Variants in GALNT13 observed in about 807,000 individuals in gnomAD.
GALNT13 encodes the protein UDP-GalNAc:polypeptide N-acetylgalactosaminyltransferase 13.
GALNT13 carries 28 observed loss-of-function variants against 64.2 expected under a neutral mutation model. That is an observed-to-expected ratio of 0.44 (90% CI 0.32 to 0.60). The LOEUF is 0.60. GALNT13 is among the 20% of genes least tolerant of loss of function. The pLI is 0.05. For missense variants in GALNT13, 577 were observed against 669.8 expected (o/e 0.86, Z 1.53); for synonymous variants, 214 against 224.6 (o/e 0.95, Z 0.42).
intron 7 of GALNT13, among the ~76,000 whole-genome samples, chr2:154,249,170 T>G (rs1689939554): frequency 1.3e-5 from 2 of 152,124 alleles, no homozygotes; most frequent in African/African-American, 4.8e-5. Context: ...GGGAGGTGAT[T>G]TGGTTTAGGC....
At chr2:153,211,133 C>CT in the GALNT13 span, among the ~76,000 whole-genome samples, 1 of 147,768 alleles carries the variant, frequency 6.8e-6, no homozygotes, top group Admixed American at 6.8e-5. Context: ...CATTGACAAA[C>CT]CTTTTTTTTT....
chr2:154,230,411 T>A (rs1211383063), intron 4 of GALNT13, among the ~76,000 whole-genome samples: 1 of 152,026 alleles, frequency 6.6e-6, no homozygotes, highest in Non-Finnish European at 1.5e-5. Context: ...AGGGAACAAT[T>A]CCAAAAATTC....
rs941226736 is a variant in GALNT13, at chr2:153,871,988, C to T, written c.-492C>T. On this transcript the variant is annotated 5_prime_UTR_variant, in exon 1 of 13. Coordinates refer to ENST00000392825, the MANE Select transcript of GALNT13 (RefSeq NM_052917.4). ...CAGCCCTCGCTCGCTCTGGGCGCCT[C>T]CTCGGCCTCAGCGTCCGCTCTGGCC... is the stretch of plus-strand genomic sequence containing the variant. The T allele has an allele frequency of 1.3e-5, 2 of 152,252 alleles. No homozygotes were observed. Among genetic ancestry groups the T allele is most frequent in the Non-Finnish European group, 2.9e-5 (2 of 68,154 alleles). The allele number at this position is 152,252 out of a possible 1,614,324, so 9.4% of individuals were successfully genotyped here. A position where few individuals can be genotyped will look rare whatever the true frequency, so the allele number is the denominator to read the frequency against.
chr2:153,391,481 C>T, the GALNT13 span, among the ~76,000 whole-genome samples: 2 of 151,806 alleles, frequency 1.3e-5, no homozygotes, highest in African/African-American at 2.4e-5. Flanking sequence ...AGGTATGTAC[C>T]GAGATTGTAA....
the GALNT13 span, among the ~76,000 whole-genome samples, chr2:153,318,873 CTG>C: frequency 6.6e-6 from 1 of 152,132 alleles, no homozygotes; most frequent in Non-Finnish European, 1.5e-5. Flanking sequence ...CACTTATTGG[CTG>C]TGTTATCTTT....
At chr2:153,923,141 C>T (rs1296064748) in intron 2 of GALNT13, among the ~76,000 whole-genome samples, 9 of 152,106 alleles carry the variant, frequency 5.9e-5, no homozygotes, top group South Asian at 2.1e-4. Context: ...CTCAGGTGAT[C>T]CTCCCACGTC....
intron 9 of GALNT13, among the ~76,000 whole-genome samples, chr2:154,360,630 C>A (rs182827933): frequency 6.6e-6 from 1 of 152,116 alleles, no homozygotes; most frequent in Non-Finnish European, 1.5e-5. Context: ...AAATTTGCAA[C>A]GTGTACCTAT....
At chr2:153,637,930 A>T in the GALNT13 span, among the ~76,000 whole-genome samples, 2 of 150,774 alleles carry the variant, frequency 1.3e-5, no homozygotes, top group African/African-American at 5.0e-5. Context: ...AGTGCCTACC[A>T]AGTACCAGGC....
At chr2:153,082,606 TATATATATATATACACACAC>T in the GALNT13 span, among the ~76,000 whole-genome samples, 37 of 44,764 alleles carry the variant, frequency 8.3e-4, no homozygotes, top group African/African-American at 3.0e-3. Context: ...TATATATATA[TATATATATATATACACACAC>T]ACACACACAC....
the GALNT13 span, among the ~76,000 whole-genome samples, chr2:153,638,977 C>T: frequency 6.6e-6 from 1 of 152,012 alleles, no homozygotes; most frequent in Non-Finnish European, 1.5e-5. Flanking sequence ...AACCAGCGAA[C>T]ACGTGGTTTT....
At chr2:153,082,604 TATATATATATATATACACACAC>T in the GALNT13 span, among the ~76,000 whole-genome samples, 6 of 43,992 alleles carry the variant, frequency 1.4e-4, no homozygotes, top group African/African-American at 3.0e-4. Context: ...TATATATATA[TATATATATATATATACACACAC>T]ACACACACAC....
intron 3 of GALNT13, among the ~76,000 whole-genome samples, chr2:154,108,132 T>G (rs1702725802): frequency 6.6e-6 from 1 of 152,004 alleles, no homozygotes; most frequent in Non-Finnish European, 1.5e-5. Flanking sequence ...GATTGCTTGA[T>G]CACTTGTAAT....
chr2:153,085,076 G>A, the GALNT13 span, among the ~76,000 whole-genome samples: 13 of 152,154 alleles, frequency 8.5e-5, no homozygotes, highest in African/African-American at 3.1e-4. Flanking sequence ...TGGAGTAAAG[G>A]TCACTCTTTC....
chr2:153,792,500 A>G, the GALNT13 span, among the ~76,000 whole-genome samples: 1 of 152,144 alleles, frequency 6.6e-6, no homozygotes, highest in Non-Finnish European at 1.5e-5. Context: ...ACCACTCCCT[A>G]AAGAAACTAA....
the GALNT13 span, among the ~76,000 whole-genome samples, chr2:153,475,002 C>T: frequency 1.3e-5 from 2 of 152,082 alleles, no homozygotes; most frequent in Admixed American, 1.3e-4. Context: ...GGGAAAGGAC[C>T]GACACTCCAT....
At chr2:153,430,868 G>A in the GALNT13 span, among the ~76,000 whole-genome samples, 2 of 151,850 alleles carry the variant, frequency 1.3e-5, no homozygotes, top group African/African-American at 2.4e-5. Context: ...AAAAGTTGAC[G>A]TAGCCAGGCA....
At chr2:153,648,933 G>T in the GALNT13 span, among the ~76,000 whole-genome samples, 3 of 151,780 alleles carry the variant, frequency 2.0e-5, no homozygotes, top group South Asian at 2.1e-4. Flanking sequence ...TCTCTTTTTT[G>T]GTTGTGTCTC....
chr2:153,180,973 A>C, the GALNT13 span, among the ~76,000 whole-genome samples: 1 of 120,826 alleles, frequency 8.3e-6, no homozygotes. Context: ...AGTTGCATTG[A>C]TCTTTTTTAT....
At chr2:153,944,675 G>A (rs936304619) in intron 3 of GALNT13, 36 bp downstream of exon 3, 2 of 1,548,978 alleles carry the variant, frequency 1.3e-6, no homozygotes, top group Non-Finnish European at 1.8e-6. Context: ...TCTTTATAGA[G>A]ATGAGAAAAG....
Sources: allele counts gnomAD v4.1 joint callset (sites outside exome capture counted in the v4.1 genomes callset), GRCh38; gene constraint gnomAD v4.1.1; transcripts MANE v1.5; gene names NCBI Gene and HGNC (gene_info 2026-07-23, HGNC 2026-07-21).